The following NEB variants were observed in gnomAD, a reference collection of about 807,000 sequenced individuals.
NEB encodes nebulin.
In NEB, 512 loss-of-function variants were observed where a neutral mutation model predicts 952.2. The observed-to-expected ratio is 0.54, with a 90% CI of 0.50 to 0.58. The LOEUF (loss-of-function observed/expected upper bound fraction) is 0.58, where lower values mean the gene tolerates loss of function less well. Ranked by LOEUF, NEB falls within the 20% of genes least tolerant of loss-of-function variation. The probability of loss-of-function intolerance (pLI) is 0.00; values close to 1 mark genes in which losing one functional copy is unlikely to be tolerated. For missense variants in NEB, 8,428 were observed against 9,231.1 expected, an observed-to-expected ratio of 0.91 and a Z score of 3.56; for synonymous variants, 2,900 against 3,149.8, an observed-to-expected ratio of 0.92 and a Z score of 2.66.
At position 151,490,447 on chromosome 2, in the gene NEB, TCTC is replaced by T. The variant is rs754847294; in HGVS notation, c.25219_25221del (p.Glu8407del). The stretch of plus-strand genomic sequence containing the variant: ...TCTGGTGCTTCTGAATGCTCAGACT[TCTC>T]CTCACCCCCACTGATGCTTAGTGCA... On this transcript the variant is annotated inframe_deletion, in exon 180 of 182. Transcript: ENST00000397345. 4.1e-5 allele frequency: 66 copies of T among 1,606,402 alleles called. No individual in the cohort carries two copies. The highest frequency in any genetic ancestry group is 1.8e-4 in the East Asian group (8 of 44,594).
At chr2:151,702,901 C>T (rs2099681726) in intron 13 of NEB, among the ~76,000 whole-genome samples, 1 of 151,656 alleles carries the variant, frequency 6.6e-6, no homozygotes, top group Admixed American at 6.6e-5. Flanking sequence ...TGAATTTGAT[C>T]CTGTCATTAT....
Position 151,660,247 on chromosome 2 carries a change from C to A in NEB, c.5971-1078G>T, listed in dbSNP as rs181706694. On this transcript the variant is annotated intron_variant, in intron 46 of 181. Coordinates refer to ENST00000397345, the MANE Select transcript of NEB (RefSeq NM_001164508.2). ...CCAGCATCACTGTTCAACTTCTCCT[C>A]CGGCCTAGTCCTTCTTCCCAAAGAC... Among the ~76,000 whole-genome samples, 166 of 152,306 alleles carry A rather than the reference C, an allele frequency of 1.1e-3. 1 individual carries two copies. The highest frequency in any genetic ancestry group is 3.7e-3 in the African/African-American group (154 of 41,580).
At chr2:151,626,540 T>C (rs1021977714) in intron 70 of NEB, among the ~76,000 whole-genome samples, 1 of 152,010 alleles carries the variant, frequency 6.6e-6, no homozygotes, top group Non-Finnish European at 1.5e-5. Context: ...AGCTGTCCCA[T>C]TCTTTTTTTT....
At chr2:151,698,858 T>C (rs2099621468) in intron 13 of NEB, among the ~76,000 whole-genome samples, 1 of 151,686 alleles carries the variant, frequency 6.6e-6, no homozygotes, top group Admixed American at 6.6e-5. Flanking sequence ...CAGGATGGTC[T>C]CCATCTCTTT....
chr2:151,654,005 T>C lies in NEB; in HGVS notation c.6902A>G (p.Asp2301Gly). Residue 2301 changes from aspartate to glycine, a missense_variant, in exon 52 of 182, where the codon GAC (aspartate) becomes GGC (glycine). This residue lies in a region of NEB where 2,851 missense variants were observed against 2,791.5 expected (regional missense o/e 1.02). Transcript: ENST00000397345. The stretch of plus-strand genomic sequence containing the variant: ...ACTAGTACTCACATCACTAGCAATG[T>C]CTCTTGAAGCTTTAGCTAGCTGTAC... ...ISVQLAKASR[D>G]IASDYKYKQG... 1 of 1,611,054 alleles carries C rather than the reference T, an allele frequency of 6.2e-7. No individual in the cohort carries two copies. The highest frequency in any genetic ancestry group is 8.5e-7 in the Non-Finnish European group (1 of 1,177,674).
At chr2:151,610,231 C>T in intron 80 of NEB, 111 bp from the exon 81 acceptor site, 1 of 881,092 alleles carries the variant, frequency 1.1e-6, no homozygotes, top group African/African-American at 1.7e-5. Flanking sequence ...AACATTTTGG[C>T]ATCTCTGAAC....
intron 181 of NEB, among the ~76,000 whole-genome samples, chr2:151,488,652 TA>T (rs60310785): frequency 0.26 from 38,674 of 151,046 alleles, 5,532 homozygotes; most frequent in Admixed American, 0.38. Context: ...TCTCTAAAAA[TA>T]AAAAAAAAGT....
chr2:151,535,639 A>G, intron 142 of NEB, 52 bp downstream of exon 142: 2 of 1,145,588 alleles, frequency 1.7e-6, no homozygotes, highest in Admixed American at 4.9e-5. Flanking sequence ...AAACTCTGAG[A>G]CTTCTTTAGG....
chr2:151,493,546 A>G, intron 175 of NEB, 101 bp from the exon 176 acceptor site: 2 of 784,182 alleles, frequency 2.6e-6, no homozygotes, highest in Non-Finnish European at 4.0e-6. Context: ...GCTCAGTTAT[A>G]TCACACTGAA....
chr2:151,649,949 G>T (rs970688162), intron 54 of NEB, among the ~76,000 whole-genome samples: 1 of 152,032 alleles, frequency 6.6e-6, no homozygotes, highest in Non-Finnish European at 1.5e-5. Flanking sequence ...ATTATATTTT[G>T]GTTAAATAAT....
chr2:151,486,715 A>G (rs1237662734), intron 181 of NEB: 1 of 152,244 alleles, frequency 6.6e-6, no homozygotes, highest in African/African-American at 2.4e-5. Context: ...CACATGATAC[A>G]ACATGGATGA....
intron 161 of NEB, among the ~76,000 whole-genome samples, chr2:151,509,507 GAGAA>G (rs1461730699): frequency 6.6e-6 from 1 of 152,204 alleles, no homozygotes; most frequent in Non-Finnish European, 1.5e-5. Flanking sequence ...TGTATTCTGG[GAGAA>G]AGGGACCTGA....
rs909733649 is a variant in NEB at position 151,639,218 on chromosome 2, A to T, written c.8994+62T>A. On this transcript the variant is annotated intron_variant, in intron 63 of 181. Coordinates refer to ENST00000397345, the MANE Select transcript of NEB (RefSeq NM_001164508.2). ...TAAAGCTGTCATTTGGTATCATGTC[A>T]TCATAGAGTAGATCAACTGAAATAA... is the stretch of plus-strand genomic sequence containing the variant. 5 of 1,273,998 alleles carry T rather than the reference A, an allele frequency of 3.9e-6. No homozygotes were observed. The African/African-American group carries it at 7.4e-5, about 19-fold the overall frequency. 78.9% of individuals were successfully genotyped at this position (1,273,998 alleles called of 1,614,324 possible).
At position 151,609,873 on chromosome 2, in the gene NEB, C is replaced by G; in HGVS notation, c.12266G>C (p.Trp4089Ser). Residue 4089 changes from tryptophan to serine, a missense_variant, in exon 81 of 182, where the codon TGG (tryptophan) becomes TCG (serine). Trp to Ser is a radical substitution (Grantham distance 177). Around this residue, in one of 11 missense-constraint regions of NEB, gnomAD observed 337 missense variants for 297.5 expected, o/e 1.13. Coordinates refer to ENST00000397345, the MANE Select transcript of NEB (RefSeq NM_001164508.2). Reference sequence around the variant, plus strand: ...GTCGTTTTGATCCGGCATGCATGTCCATTCATGCAGGTAATTGCGATAATC... The same window carrying G: ...GTCGTTTTGATCCGGCATGCATGTCGATTCATGCAGGTAATTGCGATAATC... ...DIDYRNYLHE[W>S]TCMPDQNDII... 6.2e-7 allele frequency: 1 copy of G among 1,612,356 alleles called. No individual in the cohort carries two copies. The highest frequency in any genetic ancestry group is 8.5e-7 in the Non-Finnish European group (1 of 1,178,544).
intron 10 of NEB, among the ~76,000 whole-genome samples, chr2:151,711,062 C>G (rs1415756457): frequency 2.6e-5 from 4 of 152,078 alleles, no homozygotes; most frequent in African/African-American, 9.7e-5. Flanking sequence ...AATTATTGCC[C>G]CATCTGACTC....
Position 151,674,598 on chromosome 2 carries a change from C to A in NEB, c.3880-14G>T. On this transcript the variant is annotated splice_polypyrimidine_tract_variant and intron_variant, in intron 35 of 181. Coordinates refer to ENST00000397345, the MANE Select transcript of NEB (RefSeq NM_001164508.2). ...TTTATAACAGACCTGGACAGAAAAGCAAACAGAATGTCAGCATCTGTAAGT... is the reference window on the plus strand; with the variant it reads ...TTTATAACAGACCTGGACAGAAAAGAAAACAGAATGTCAGCATCTGTAAGT... The A allele has an allele frequency of 1.3e-6, 2 of 1,559,110 alleles. No homozygotes were observed. Among genetic ancestry groups the A allele is most frequent in the Non-Finnish European group, 1.8e-6 (2 of 1,130,874 alleles).
rs776648927 is a variant in NEB at position 151,554,021 on chromosome 2, A to T, written c.19433T>A (p.Leu6478Gln). Residue 6478 changes from leucine to glutamine, a missense_variant, in exon 126 of 182, where the codon CTG becomes CAG. Physicochemically the swap from Leu to Gln is moderately radical, Grantham distance 113 (BLOSUM62 -2). This residue lies in a region of NEB where 3,374 missense variants were observed against 3,651.5 expected (regional missense o/e 0.92). Transcript: ENST00000397345. ...LRVGKLNIDR[L>Q]YRSVYEKNKM... Reference sequence around the variant, plus strand: ...GTTCTTTTCATAAACTGATCTGTACAGGCGCTGTAAAGTTAAAATCACATG... The same window carrying T: ...GTTCTTTTCATAAACTGATCTGTACTGGCGCTGTAAAGTTAAAATCACATG... 1 of 1,613,576 alleles carries T rather than the reference A, an allele frequency of 6.2e-7. No homozygotes were observed. Among genetic ancestry groups the T allele is most frequent in the Admixed American group, 1.7e-5 (1 of 60,018 alleles).
At chr2:151,618,619 T>TCAG in intron 73 of NEB, 141 bp from the exon 74 acceptor site, 1 of 852,634 alleles carries the variant, frequency 1.2e-6, no homozygotes. Context: ...CTCACGCACA[T>TCAG]TATTGAATCC....
chr2:151,491,845 A>G, intron 178 of NEB, 70 bp from the exon 179 acceptor site: 1 of 1,259,336 alleles, frequency 7.9e-7, no homozygotes, highest in Non-Finnish European at 1.1e-6. Context: ...CCAAGGCATG[A>G]ATTTTAACAA....
Sources: allele counts gnomAD v4.1 joint callset (sites outside exome capture counted in the v4.1 genomes callset), GRCh38; gene constraint gnomAD v4.1.1; regional missense constraint gnomAD v4.1.1; transcripts MANE v1.5; gene names NCBI Gene and HGNC (gene_info 2026-07-23, HGNC 2026-07-21).